Variants in FOCAD observed in about 807,000 individuals in gnomAD.
FOCAD encodes the protein KIAA1797.
FOCAD carries 198 observed loss-of-function variants against 225.6 expected under a neutral mutation model. That is an observed-to-expected ratio of 0.88 (90% CI 0.78 to 0.99). The LOEUF is 0.99. FOCAD is among the 50% of genes least tolerant of loss of function. The pLI, the probability that FOCAD is intolerant of heterozygous loss-of-function variation, is 0.00. For synonymous variants in FOCAD, 897 were observed against 755.0 expected, an observed-to-expected ratio of 1.19 and a Z score of -3.08; for missense variants, 2,713 against 2,123.6, an observed-to-expected ratio of 1.28 and a Z score of -5.46.
At chr9:20,855,605 A>G (rs560931410) in intron 15 of FOCAD, among the ~76,000 whole-genome samples, 1 of 151,754 alleles carries the variant, frequency 6.6e-6, no homozygotes, top group South Asian at 2.1e-4. Flanking sequence ...TGTTTGAAAC[A>G]TTTCAATTAT....
intron 1 of FOCAD, among the ~76,000 whole-genome samples, chr9:20,695,829 G>A (rs921360038): frequency 6.6e-6 from 1 of 152,156 alleles, no homozygotes; most frequent in Admixed American, 6.5e-5. Flanking sequence ...ATTGGTATTA[G>A]GTATGAATTG....
intron 20 of FOCAD, among the ~76,000 whole-genome samples, chr9:20,883,435 A>G (rs958446331): frequency 5.3e-5 from 8 of 152,230 alleles, no homozygotes; most frequent in African/African-American, 1.9e-4. Flanking sequence ...ATTGTACCTT[A>G]TAGTGATAGA....
chr9:20,740,814 A>C (rs1827553816), intron 5 of FOCAD, among the ~76,000 whole-genome samples: 1 of 152,202 alleles, frequency 6.6e-6, no homozygotes, highest in Admixed American at 6.5e-5. Flanking sequence ...CATCTGTAGA[A>C]TGTAATAAGG....
chr9:20,961,756 C>T (rs185791045), intron 35 of FOCAD, among the ~76,000 whole-genome samples: 1 of 152,292 alleles, frequency 6.6e-6, no homozygotes, highest in East Asian at 1.9e-4. Context: ...TGTAAGTAAT[C>T]TCCTGTCCCT....
intron 15 of FOCAD, among the ~76,000 whole-genome samples, chr9:20,840,235 T>C (rs1826382892): frequency 6.6e-6 from 1 of 152,064 alleles, no homozygotes; most frequent in Non-Finnish European, 1.5e-5. Flanking sequence ...AATAAATTTA[T>C]AGATTTCTTT....
At chr9:20,969,949 C>A (rs553922062) in intron 35 of FOCAD, among the ~76,000 whole-genome samples, 1 of 149,606 alleles carries the variant, frequency 6.7e-6, no homozygotes, top group Admixed American at 6.6e-5. Flanking sequence ...CTCCCTAATA[C>A]TTGAATTATA....
At chr9:20,736,252 G>T (rs1394188196) in intron 4 of FOCAD, among the ~76,000 whole-genome samples, 1 of 152,020 alleles carries the variant, frequency 6.6e-6, no homozygotes, top group Admixed American at 6.6e-5. Context: ...AGAAATGTCA[G>T]CAATTATTTT....
chr9:20,752,076 A>G (rs1828606062), intron 5 of FOCAD, among the ~76,000 whole-genome samples: 1 of 143,486 alleles, frequency 7.0e-6, no homozygotes, highest in Non-Finnish European at 1.5e-5. Context: ...TCAGATGAGT[A>G]GGTTGTGAAA....
chr9:20,886,016 A>C (rs929969486), intron 21 of FOCAD, among the ~76,000 whole-genome samples: 40 of 152,192 alleles, frequency 2.6e-4, no homozygotes, highest in African/African-American at 8.4e-4. Flanking sequence ...TTTCTATAAC[A>C]TCTTATTTTG....
chr9:20,792,128 G>A (rs1283412631), intron 11 of FOCAD, among the ~76,000 whole-genome samples: 1 of 152,082 alleles, frequency 6.6e-6, no homozygotes, highest in Non-Finnish European at 1.5e-5. Flanking sequence ...AGATTTTATT[G>A]TTTTGGAAAT....
chr9:20,925,866 T>C (rs927187652), intron 25 of FOCAD, among the ~76,000 whole-genome samples: 20 of 152,362 alleles, frequency 1.3e-4, no homozygotes, highest in Middle Eastern at 3.4e-3. Flanking sequence ...CCAGAAATGC[T>C]AGAGATGTTG....
At chr9:20,917,043 G>T (rs766829954) in intron 24 of FOCAD, 106 bp downstream of exon 24, 1 of 847,618 alleles carries the variant, frequency 1.2e-6, no homozygotes, top group Non-Finnish European at 1.8e-6. Context: ...AAGGATTTTA[G>T]AGTACTTTTC....
chr9:20,888,536 G>A (rs1030484024), intron 21 of FOCAD, among the ~76,000 whole-genome samples: 21 of 151,822 alleles, frequency 1.4e-4, no homozygotes, highest in Admixed American at 4.6e-4. Flanking sequence ...TGTTTAATCC[G>A]AGATTACAAA....
chr9:20,951,542 A>G (rs561725804), intron 34 of FOCAD, among the ~76,000 whole-genome samples: 7 of 152,170 alleles, frequency 4.6e-5, no homozygotes, highest in African/African-American at 9.7e-5. Flanking sequence ...TTTGTATAGT[A>G]TTCATGTTTC....
intron 15 of FOCAD, 106 bp from the exon 16 acceptor site, chr9:20,862,472 T>C: frequency 1.6e-6 from 2 of 1,280,510 alleles, no homozygotes; most frequent in Non-Finnish European, 2.1e-6. Flanking sequence ...GGCATAGTCT[T>C]ATTTGTTTCT....
chr9:20,675,631 G>C (rs1235590092), intron 2 of FOCAD, among the ~76,000 whole-genome samples: 1 of 152,150 alleles, frequency 6.6e-6, no homozygotes, highest in East Asian at 1.9e-4. Flanking sequence ...TTTCTGAGTG[G>C]CTTCTTTGTT....
At chr9:20,737,129 A>G (rs927082967) in intron 4 of FOCAD, among the ~76,000 whole-genome samples, 1 of 152,176 alleles carries the variant, frequency 6.6e-6, no homozygotes, top group African/African-American at 2.4e-5. Context: ...TATCTACACA[A>G]TAAAATCTGG....
At chr9:20,948,467 G>A (rs1348784339) in intron 31 of FOCAD, 74 bp downstream of exon 31, 4 of 1,513,916 alleles carry the variant, frequency 2.6e-6, no homozygotes, top group Non-Finnish European at 3.6e-6. Context: ...ATCATTTATA[G>A]GAGTTGCTGA....
At chr9:20,751,984 C>T (rs541106568) in intron 5 of FOCAD, among the ~76,000 whole-genome samples, 396 of 144,554 alleles carry the variant, frequency 2.7e-3, no homozygotes, top group Middle Eastern at 6.8e-3. Context: ...TCATGTCCTT[C>T]GCCCACTTTT....
Sources: gnomAD v4.1 joint callset for allele counts (sites outside exome capture counted in the v4.1 genomes callset) on GRCh38, gnomAD v4.1.1 for gene constraint, MANE v1.5 for transcripts, NCBI Gene and HGNC (gene_info 2026-07-23, HGNC 2026-07-21) for gene names.